Variants in AUTS2 observed in about 807,000 individuals in gnomAD.
The protein encoded by AUTS2 is activator of transcription and developmental regulator AUTS2, also known as autism susceptibility gene 2 protein.
Under a neutral mutation model 112.4 loss-of-function variants are expected in AUTS2, and 17 were observed. The ratio of observed to expected loss-of-function variants is 0.15; its 90% CI spans 0.10 to 0.23. AUTS2 has a LOEUF of 0.23. AUTS2 is among the 10% of genes least tolerant of loss of function. The pLI, the probability that AUTS2 is intolerant of heterozygous loss-of-function variation, is 1.00. For missense variants in AUTS2, 1,510 were observed against 1,701.6 expected (o/e 0.89, Z 1.98); for synonymous variants, 751 against 702.7 (o/e 1.07, Z -1.09).
intron 4 of AUTS2, among the ~76,000 whole-genome samples, chr7:70,359,081 C>G (rs917436478): frequency 1.3e-5 from 2 of 152,162 alleles, no homozygotes; most frequent in African/African-American, 2.4e-5. Flanking sequence ...AAGGAATGCT[C>G]TACTATACAG....
chr7:70,407,339 C>T (rs1286592816), intron 4 of AUTS2, among the ~76,000 whole-genome samples: 1 of 152,156 alleles, frequency 6.6e-6, no homozygotes, highest in Non-Finnish European at 1.5e-5. Flanking sequence ...TTTCCAGGCT[C>T]TTTTTTGCAG....
chr7:70,347,266 A>G (rs1791538616), intron 4 of AUTS2, among the ~76,000 whole-genome samples: 2 of 152,144 alleles, frequency 1.3e-5, no homozygotes, highest in Non-Finnish European at 2.9e-5. Context: ...TCTAGGTTTG[A>G]GTATGTGCCT....
chr7:69,800,625 T>G lies in AUTS2; in HGVS notation c.310-98661T>G, dbSNP rs550961773. Among the ~76,000 whole-genome samples, 99 of 152,320 alleles carry G rather than the reference T, an allele frequency of 6.5e-4. 1 individual carries two copies. The Middle Eastern group carries it at 0.01, about 16-fold the overall frequency. ...TTGGCTTTCAGAAAGTGTCTGGCAG[T>G]GAGTATGCCAAAGGTCAAGAATTCT... is the stretch of plus-strand genomic sequence containing the variant. On this transcript the variant is annotated intron_variant, in intron 1 of 18. Coordinates refer to ENST00000342771, the MANE Select transcript of AUTS2 (RefSeq NM_015570.4).
At chr7:70,582,487 C>T (rs1167275173) in intron 5 of AUTS2, among the ~76,000 whole-genome samples, 14 of 152,178 alleles carry the variant, frequency 9.2e-5, no homozygotes, top group Non-Finnish European at 2.1e-4. Context: ...TACCCCTTCC[C>T]ACCACGTTGC....
chr7:69,791,042 A>G (rs968482245), intron 1 of AUTS2, among the ~76,000 whole-genome samples: 6 of 152,242 alleles, frequency 3.9e-5, no homozygotes, highest in Non-Finnish European at 8.8e-5. Context: ...GCTGTTGAGC[A>G]GGGATCTTCT....
At chr7:70,481,167 C>T (rs1272915405) in intron 5 of AUTS2, among the ~76,000 whole-genome samples, 1 of 152,148 alleles carries the variant, frequency 6.6e-6, no homozygotes, top group Non-Finnish European at 1.5e-5. Context: ...TAAACTGGTT[C>T]AGCTCTCAGG....
intron 6 of AUTS2, among the ~76,000 whole-genome samples, chr7:70,744,871 G>T (rs1422179956): frequency 6.6e-6 from 1 of 152,104 alleles, no homozygotes; most frequent in Non-Finnish European, 1.5e-5. Context: ...TCATGAGCAG[G>T]CAAAGGAGCA....
intron 2 of AUTS2, among the ~76,000 whole-genome samples, chr7:70,065,936 G>A (rs537580242): frequency 2.0e-5 from 3 of 152,058 alleles, no homozygotes; most frequent in Non-Finnish European, 2.9e-5. Flanking sequence ...TCAAATTCCC[G>A]GCTTCATGCG....
chr7:70,713,895 CAAAA>C (rs60280924), intron 6 of AUTS2, among the ~76,000 whole-genome samples: 1 of 143,764 alleles, frequency 7.0e-6, no homozygotes, highest in Non-Finnish European at 1.5e-5. Context: ...GACTCCGTCT[CAAAA>C]AAAAAAAAAA....
At chr7:70,689,472 T>C (rs1808636667) in intron 5 of AUTS2, among the ~76,000 whole-genome samples, 1 of 151,892 alleles carries the variant, frequency 6.6e-6, no homozygotes. Context: ...TTGCAGTAGG[T>C]CCTCTATAAA....
intron 4 of AUTS2, among the ~76,000 whole-genome samples, chr7:70,355,124 G>C: frequency 6.6e-6 from 1 of 150,906 alleles, no homozygotes; most frequent in South Asian, 2.1e-4. Flanking sequence ...GTGTGTGTGT[G>C]TATATATACG....
intron 4 of AUTS2, among the ~76,000 whole-genome samples, chr7:70,277,471 A>G (rs1787983296): frequency 6.6e-6 from 1 of 152,224 alleles, no homozygotes. Context: ...GTACTCAAGG[A>G]AACTGCATGT....
chr7:70,502,313 A>G (rs1211374359), intron 5 of AUTS2, among the ~76,000 whole-genome samples: 1 of 152,240 alleles, frequency 6.6e-6, no homozygotes, highest in Non-Finnish European at 1.5e-5. Flanking sequence ...AATGTTGGAC[A>G]AAGATAGTAG....
At chr7:70,621,638 G>A (rs978000961) in intron 5 of AUTS2, among the ~76,000 whole-genome samples, 4 of 152,094 alleles carry the variant, frequency 2.6e-5, no homozygotes, top group African/African-American at 9.7e-5. Context: ...ATATTAGATT[G>A]AGAAACAGAA....
intron 6 of AUTS2, among the ~76,000 whole-genome samples, chr7:70,700,079 G>A (rs369859406): frequency 2.6e-5 from 4 of 152,202 alleles, no homozygotes; most frequent in Non-Finnish European, 5.9e-5. Flanking sequence ...CACTCTGGCC[G>A]CCACTGCCCT....
At chr7:69,823,603 C>T (rs1020748150) in intron 1 of AUTS2, among the ~76,000 whole-genome samples, 20 of 152,102 alleles carry the variant, frequency 1.3e-4, no homozygotes, top group Admixed American at 3.3e-4. Flanking sequence ...TAATTAGGGG[C>T]GACTAACATC....
chr7:69,792,232 G>GTTTTTTTT (rs148860619), intron 1 of AUTS2, among the ~76,000 whole-genome samples: 1 of 146,752 alleles, frequency 6.8e-6, no homozygotes. Context: ...TTAAGTTGTT[G>GTTTTTTTT]TTTTTTTTTT....
At chr7:69,981,856 G>A (rs1798307777) in intron 2 of AUTS2, among the ~76,000 whole-genome samples, 1 of 152,180 alleles carries the variant, frequency 6.6e-6, no homozygotes, top group African/African-American at 2.4e-5. Context: ...TCTACCACTT[G>A]ATATGTACAC....
intron 2 of AUTS2, among the ~76,000 whole-genome samples, chr7:70,043,758 C>T (rs1801373837): frequency 1.3e-5 from 2 of 151,932 alleles, no homozygotes; most frequent in Admixed American, 1.3e-4. Context: ...TACAGACATG[C>T]GCCACCACGT....
Sources: allele counts gnomAD v4.1 joint callset (sites outside exome capture counted in the v4.1 genomes callset), GRCh38; gene constraint gnomAD v4.1.1; transcripts MANE v1.5; gene names NCBI Gene and HGNC (gene_info 2026-07-23, HGNC 2026-07-21).